Variants in TP53BP2 observed in about 807,000 individuals in gnomAD.
TP53BP2 encodes apoptosis-stimulating of p53 protein 2.
Under a neutral mutation model 126.2 loss-of-function variants are expected in TP53BP2, and 62 were observed. The observed-to-expected ratio is 0.49, with a 90% CI of 0.40 to 0.61. The LOEUF is 0.61. TP53BP2 is among the 20% of genes least tolerant of loss of function. The pLI is 0.00. For missense variants in TP53BP2, 1,215 were observed against 1,402.8 expected (o/e 0.87, Z 2.14); for synonymous variants, 485 against 502.9 (o/e 0.96, Z 0.48).
Position 223,804,304 on chromosome 1 carries a change from C to T in TP53BP2, c.519G>A (p.Gln173=). 6.2e-7 allele frequency: 1 copy of T among 1,613,922 alleles called. No individual in the cohort carries two copies. Among genetic ancestry groups the T allele is most frequent in the South Asian group, 1.1e-5 (1 of 90,988 alleles). The change falls in exon 6 of 18, where the codon CAG becomes CAA. Residue 173 remains glutamine, a synonymous_variant. Coordinates refer to ENST00000343537, the MANE Select transcript of TP53BP2 (RefSeq NM_001031685.3). ...GTTTCTCCTGCTCAGCAACTTGTTG[C>T]TGTTGTCGCTGATCTTGTTGTTTCA... ...KFLKQQDQRQ[Q]QQVAEQEKLK...
At chr1:223,805,990 C>T (rs777946435) in intron 5 of TP53BP2, among the ~76,000 whole-genome samples, 33 of 152,252 alleles carry the variant, frequency 2.2e-4, no homozygotes, top group Middle Eastern at 3.4e-3. Flanking sequence ...CTATGGCTGG[C>T]AGGAGAAGCA....
chr1:223,835,631 C>T (rs894308537), intron 1 of TP53BP2, among the ~76,000 whole-genome samples: 1 of 152,198 alleles, frequency 6.6e-6, no homozygotes, highest in Non-Finnish European at 1.5e-5. Flanking sequence ...TCCTACCTCC[C>T]ACTTTGCTAT....
chr1:223,791,092 A>G (rs547818142), intron 15 of TP53BP2, among the ~76,000 whole-genome samples: 22 of 152,248 alleles, frequency 1.4e-4, no homozygotes, highest in Admixed American at 3.3e-4. Context: ...AAAACATTAC[A>G]TATGTATTAG....
chr1:223,844,020 C>T (rs964943811), intron 1 of TP53BP2, among the ~76,000 whole-genome samples: 15 of 152,072 alleles, frequency 9.9e-5, no homozygotes, highest in Non-Finnish European at 2.1e-4. Flanking sequence ...CTCAAACCAC[C>T]CTAAGAGCTG....
intron 3 of TP53BP2, among the ~76,000 whole-genome samples, chr1:223,813,628 G>T (rs1407605869): frequency 6.6e-6 from 1 of 152,040 alleles, no homozygotes; most frequent in Non-Finnish European, 1.5e-5. Context: ...AATTTGTCTA[G>T]ACACCTTTGT....
At position 223,802,906 on chromosome 1, in the gene TP53BP2, G is replaced by A. The variant is rs1203785761; in HGVS notation, c.832-11C>T. 6.2e-7 allele frequency: 1 copy of A among 1,613,318 alleles called. No homozygotes were observed. Among genetic ancestry groups the A allele is most frequent in the Non-Finnish European group, 8.5e-7 (1 of 1,179,814 alleles). On this transcript the variant is annotated splice_polypyrimidine_tract_variant and intron_variant, in intron 7 of 17. Coordinates refer to ENST00000343537, the MANE Select transcript of TP53BP2 (RefSeq NM_001031685.3). ...CAATTTGTTTCTTAGCTGAATAAAA[G>A]AGAGGGGAAAAAAGGTAGCCAAGGA...
intron 16 of TP53BP2, among the ~76,000 whole-genome samples, chr1:223,788,411 A>T (rs1662042767): frequency 6.6e-6 from 1 of 152,212 alleles, no homozygotes; most frequent in Admixed American, 6.5e-5. Flanking sequence ...TAAACAAAAA[A>T]AATTTTCCTT....
intron 1 of TP53BP2, among the ~76,000 whole-genome samples, chr1:223,826,610 G>A (rs1461842859): frequency 6.6e-6 from 1 of 152,178 alleles, no homozygotes; most frequent in Non-Finnish European, 1.5e-5. Flanking sequence ...GGAATTAGTG[G>A]TGATAGTTAC....
Position 223,806,829 on chromosome 1 carries a change from A to C in TP53BP2, c.474+17T>G. On this transcript the variant is annotated intron_variant, in intron 5 of 17. Coordinates refer to ENST00000343537, the MANE Select transcript of TP53BP2 (RefSeq NM_001031685.3). Reference sequence around the variant, plus strand: ...ACAGAGTGAGCATTCATCTCCAAAAAAAAAGGACGATACTACCTTAGTTGC... The same window carrying C: ...ACAGAGTGAGCATTCATCTCCAAAACAAAAGGACGATACTACCTTAGTTGC... The C allele has an allele frequency of 6.2e-7, 1 of 1,609,852 alleles. No individual in the cohort carries two copies. Among genetic ancestry groups the C allele is most frequent in the African/African-American group, 1.3e-5 (1 of 74,846 alleles).
chr1:223,817,857 C>T (rs1558102882), intron 2 of TP53BP2, among the ~76,000 whole-genome samples: 1 of 147,392 alleles, frequency 6.8e-6, no homozygotes, highest in Non-Finnish European at 1.5e-5. Flanking sequence ...ACATAGGAGG[C>T]AGAGATGGCA....
chr1:223,808,992 G>A (rs1378545981), intron 4 of TP53BP2, among the ~76,000 whole-genome samples: 1 of 152,114 alleles, frequency 6.6e-6, no homozygotes, highest in African/African-American at 2.4e-5. Context: ...TGTGGAAACA[G>A]TAAAACTCTG....
intron 8 of TP53BP2, 38 bp from the exon 9 acceptor site, chr1:223,802,382 C>T: frequency 1.9e-6 from 3 of 1,569,710 alleles, no homozygotes; most frequent in South Asian, 2.3e-5. Context: ...TATTAAAAAT[C>T]ATCTCAGGTG....
intron 16 of TP53BP2, 106 bp downstream of exon 16, chr1:223,788,902 A>G: frequency 2.5e-6 from 3 of 1,216,074 alleles, no homozygotes; most frequent in Non-Finnish European, 3.5e-6. Flanking sequence ...AAGACTATGG[A>G]TAACACAAGA....
intron 11 of TP53BP2, among the ~76,000 whole-genome samples, chr1:223,799,242 T>TAC (rs1454880183): frequency 3.9e-5 from 6 of 152,130 alleles, no homozygotes; most frequent in Admixed American, 3.9e-4. Context: ...GTGCTGGGAT[T>TAC]ACAGGTGTGA....
At position 223,797,762 on chromosome 1, in the gene TP53BP2, CAT is replaced by C. The variant is rs139552611; in HGVS notation, c.1948+451_1948+452del. Among the ~76,000 whole-genome samples, 1,142 of 150,418 alleles carry C rather than the reference CAT, an allele frequency of 7.6e-3. 11 individuals are homozygous for C. Among genetic ancestry groups the C allele is most frequent in the African/African-American group, 0.025 (1,032 of 41,332 alleles). On this transcript the variant is annotated intron_variant, in intron 12 of 17. Transcript: ENST00000343537. ...ACAGACACACACATACAGAGACACA[CAT>C]ATATATATGTGTGTGATGTGTGTGT...
chr1:223,803,707 A>G (rs1271707656), intron 6 of TP53BP2, among the ~76,000 whole-genome samples: 1 of 152,230 alleles, frequency 6.6e-6, no homozygotes, highest in Non-Finnish European at 1.5e-5. Context: ...TTTAGAAACA[A>G]TAAAAATTTC....
chr1:223,786,956 G>T (rs780457486), intron 16 of TP53BP2, among the ~76,000 whole-genome samples: 93 of 150,756 alleles, frequency 6.2e-4, no homozygotes, highest in Non-Finnish European at 2.9e-4. Context: ...GAGTGCAATG[G>T]CATGGTCTCA....
chr1:223,806,267 G>C (rs898424891), intron 5 of TP53BP2, among the ~76,000 whole-genome samples: 7 of 152,116 alleles, frequency 4.6e-5, no homozygotes, highest in Non-Finnish European at 1.0e-4. Flanking sequence ...CACCTTTCCT[G>C]TCTGGCTGAT....
At chr1:223,783,980 G>T in intron 17 of TP53BP2, 135 bp downstream of exon 17, 1 of 783,186 alleles carries the variant, frequency 1.3e-6, no homozygotes, top group Non-Finnish European at 2.2e-6. Context: ...TTAAGTCTAA[G>T]ACTATCAAAA....
Sources: allele counts gnomAD v4.1 joint callset (sites outside exome capture counted in the v4.1 genomes callset), GRCh38; gene constraint gnomAD v4.1.1; transcripts MANE v1.5; gene names NCBI Gene and HGNC (gene_info 2026-07-23, HGNC 2026-07-21).